The following PAK1 variants were observed in gnomAD, a reference collection of about 807,000 sequenced individuals.
PAK1 encodes the protein p21 (RAC1) activated kinase 1.
In PAK1, 29 loss-of-function variants were observed where a neutral mutation model predicts 67.4. The observed-to-expected ratio is 0.43, with a 90% CI of 0.32 to 0.59. PAK1 has a LOEUF of 0.59. Ranked by LOEUF, PAK1 falls within the 20% of genes least tolerant of loss-of-function variation. PAK1 has a pLI of 0.07. For missense variants in PAK1, 337 were observed against 670.7 expected (o/e 0.50, Z 5.50); for synonymous variants, 223 against 237.4 (o/e 0.94, Z 0.56).
Position 77,359,025 on chromosome 11 carries a change from A to G in PAK1, c.478-8T>C, listed in dbSNP as rs769538568. On this transcript the variant is annotated splice_region_variant and splice_polypyrimidine_tract_variant and intron_variant, in intron 5 of 14. Coordinates refer to ENST00000356341, the MANE Select transcript of PAK1 (RefSeq NM_002576.5). ...AGACACAGCCTTCACATTCTGTGCAAAGAAGAAAAGCAAGATGCATCTGGT... is the reference window on the plus strand; with the variant it reads ...AGACACAGCCTTCACATTCTGTGCAGAGAAGAAAAGCAAGATGCATCTGGT... 1 of 1,612,194 alleles carries G rather than the reference A, an allele frequency of 6.2e-7. No homozygotes were observed. Among genetic ancestry groups the G allele is most frequent in the Non-Finnish European group, 8.5e-7 (1 of 1,179,064 alleles).
intron 2 of PAK1, among the ~76,000 whole-genome samples, chr11:77,384,807 G>C (rs1288330439): frequency 1.3e-5 from 2 of 152,084 alleles, no homozygotes; most frequent in Non-Finnish European, 2.9e-5. Flanking sequence ...AAATGTATTG[G>C]AATTAGTTGT....
intron 2 of PAK1, among the ~76,000 whole-genome samples, chr11:77,388,311 C>T (rs903616473): frequency 3.3e-5 from 5 of 152,216 alleles, no homozygotes; most frequent in Admixed American, 2.0e-4. Context: ...GATCTAACCA[C>T]GCCTTTGCAA....
At chr11:77,472,373 T>C (rs1957902958) in intron 1 of PAK1, among the ~76,000 whole-genome samples, 2 of 152,182 alleles carry the variant, frequency 1.3e-5, no homozygotes. Flanking sequence ...ATGTTGTAAG[T>C]GCTGTGGTAG....
intron 11 of PAK1, among the ~76,000 whole-genome samples, chr11:77,338,792 T>C (rs1385689196): frequency 6.6e-6 from 1 of 152,154 alleles, no homozygotes; most frequent in Admixed American, 6.5e-5. Context: ...CTTTGAAACA[T>C]AATGCTAGCT....
intron 1 of PAK1, among the ~76,000 whole-genome samples, chr11:77,459,022 G>C (rs1237680732): frequency 6.6e-6 from 1 of 152,174 alleles, no homozygotes; most frequent in African/African-American, 2.4e-5. Flanking sequence ...GGAATAAAGA[G>C]TTTTAAAAGC....
intron 5 of PAK1, among the ~76,000 whole-genome samples, chr11:77,374,039 C>T (rs973792417): frequency 1.3e-5 from 2 of 152,174 alleles, no homozygotes; most frequent in Non-Finnish European, 2.9e-5. Context: ...GCCATACCTT[C>T]TGGTTCCAAA....
chr11:77,409,812 GA>G (rs1397075198), intron 1 of PAK1, among the ~76,000 whole-genome samples: 1 of 151,454 alleles, frequency 6.6e-6, no homozygotes, highest in Non-Finnish European at 1.5e-5. Context: ...GATGAAGGGG[GA>G]AAAAAAGATA....
chr11:77,406,423 T>C (rs1953572838), intron 1 of PAK1, among the ~76,000 whole-genome samples: 1 of 152,220 alleles, frequency 6.6e-6, no homozygotes, highest in Non-Finnish European at 1.5e-5. Context: ...AACGATATGC[T>C]TTTGTAAGTC....
the PAK1 span, among the ~76,000 whole-genome samples, chr11:77,490,155 G>A: frequency 6.6e-6 from 1 of 151,608 alleles, no homozygotes; most frequent in African/African-American, 2.4e-5. Flanking sequence ...CGTCTGAGAA[G>A]TGAGGAGACC....
the PAK1 span, among the ~76,000 whole-genome samples, chr11:77,490,629 G>A: frequency 4.6e-5 from 7 of 152,216 alleles, no homozygotes; most frequent in Admixed American, 1.3e-4. Flanking sequence ...TGGGAGGTGT[G>A]CCCAACAGCT....
chr11:77,506,771 TG>T, the PAK1 span, among the ~76,000 whole-genome samples: 1 of 152,152 alleles, frequency 6.6e-6, no homozygotes. Context: ...TTTATTAAAG[TG>T]GGGCCAGGGA....
At chr11:77,399,112 A>G (rs1952239960) in intron 1 of PAK1, among the ~76,000 whole-genome samples, 1 of 152,224 alleles carries the variant, frequency 6.6e-6, no homozygotes, top group Non-Finnish European at 1.5e-5. Flanking sequence ...CTTACATATA[A>G]AAATATATAA....
In PAK1 at chr11:77,323,433, A is replaced by G. The variant is rs1355931327; in HGVS notation, c.1552-73T>C. 4 of 1,011,422 alleles carry G rather than the reference A, an allele frequency of 4.0e-6. No homozygotes were observed. The Admixed American group carries it at 5.4e-5, about 14-fold the overall frequency. 62.7% of individuals were successfully genotyped at this position (1,011,422 alleles called of 1,614,324 possible). A position where few individuals can be genotyped will look rare whatever the true frequency, so the allele number is the denominator to read the frequency against. On this transcript the variant is annotated intron_variant, in intron 14 of 14. Coordinates refer to ENST00000356341, the MANE Select transcript of PAK1 (RefSeq NM_002576.5). ...TCCCCAGTAACCATTACAAGACATA[A>G]AGGCATCTTTGTTTGTAAAGGGTGC...
At chr11:77,372,738 G>A (rs1382740877) in intron 5 of PAK1, among the ~76,000 whole-genome samples, 1 of 151,928 alleles carries the variant, frequency 6.6e-6, no homozygotes, top group Admixed American at 6.6e-5. Context: ...TAACCACTTC[G>A]CAGTTCCCTG....
intron 1 of PAK1, among the ~76,000 whole-genome samples, chr11:77,433,986 A>G (rs1169114821): frequency 1.3e-5 from 2 of 152,186 alleles, no homozygotes; most frequent in Non-Finnish European, 2.9e-5. Context: ...AAAAGATAGT[A>G]ACAAGTATTT....
intron 1 of PAK1, chr11:77,408,366 G>A (rs1280976785): frequency 2.0e-5 from 3 of 151,266 alleles, no homozygotes; most frequent in South Asian, 2.1e-4. Flanking sequence ...ACATACACAC[G>A]ATCGTACGTA....
chr11:77,368,177 A>T (rs948379109), intron 5 of PAK1, among the ~76,000 whole-genome samples: 1 of 152,240 alleles, frequency 6.6e-6, no homozygotes, highest in Non-Finnish European at 1.5e-5. Flanking sequence ...ATAATTGTGA[A>T]ATTTCTAAGC....
chr11:77,525,309 G>T, the PAK1 span, among the ~76,000 whole-genome samples: 1 of 151,480 alleles, frequency 6.6e-6, no homozygotes, highest in Non-Finnish European at 1.5e-5. Context: ...CAGCCTGGGT[G>T]ACAGAGCCAG....
chr11:77,465,415 A>G (rs1359424773), intron 1 of PAK1, among the ~76,000 whole-genome samples: 1 of 152,158 alleles, frequency 6.6e-6, no homozygotes, highest in Non-Finnish European at 1.5e-5. Context: ...TGAAAACAGT[A>G]AAGCACAAAA....
Sources: gnomAD v4.1 joint callset for allele counts (sites outside exome capture counted in the v4.1 genomes callset) on GRCh38, gnomAD v4.1.1 for gene constraint, MANE v1.5 for transcripts, NCBI Gene and HGNC (gene_info 2026-07-23, HGNC 2026-07-21) for gene names.